Variants in ADARB2 observed in about 807,000 individuals in gnomAD.
The protein encoded by ADARB2 is adenosine deaminase RNA specific B2 (inactive), also known as inactive double-stranded RNA-specific editase B2.
Under a neutral mutation model 62.2 loss-of-function variants are expected in ADARB2, and 25 were observed. That is an observed-to-expected ratio of 0.40 (90% confidence interval 0.29 to 0.56). ADARB2 has a LOEUF of 0.56. ADARB2 is among the 20% of genes least tolerant of loss of function. The pLI, the probability that ADARB2 is intolerant of heterozygous loss-of-function variation, is 0.43. For missense variants in ADARB2, 1,071 were observed against 1,077.4 expected (o/e 0.99, Z 0.08); for synonymous variants, 572 against 500.8 (o/e 1.14, Z -1.90).
At chr10:1,288,549 A>T (rs2131809132) in intron 3 of ADARB2, among the ~76,000 whole-genome samples, 1 of 152,358 alleles carries the variant, frequency 6.6e-6, no homozygotes, top group East Asian at 1.9e-4. Context: ...TGGAAGTCAC[A>T]CTAGTTCCAT....
intron 1 of ADARB2, among the ~76,000 whole-genome samples, chr10:1,695,798 G>A (rs1479912622): frequency 6.6e-6 from 1 of 152,126 alleles, no homozygotes; most frequent in African/African-American, 2.4e-5. Context: ...GGGTGCATGT[G>A]TGTATATATG....
intron 1 of ADARB2, among the ~76,000 whole-genome samples, chr10:1,550,363 A>G (rs1301690430): frequency 6.6e-6 from 1 of 152,264 alleles, no homozygotes; most frequent in Non-Finnish European, 1.5e-5. Flanking sequence ...TGACACGGCG[A>G]ACAGCAGCTA....
intron 1 of ADARB2, among the ~76,000 whole-genome samples, chr10:1,698,951 G>A (rs1183419130): frequency 1.3e-5 from 2 of 152,144 alleles, no homozygotes; most frequent in Non-Finnish European, 2.9e-5. Context: ...AGTAGAGATT[G>A]GGTTTCGCCA....
intron 8 of ADARB2, among the ~76,000 whole-genome samples, chr10:1,192,835 T>TG (rs1231197494): frequency 6.6e-6 from 1 of 152,188 alleles, no homozygotes; most frequent in Non-Finnish European, 1.5e-5. Context: ...CCCAGCTACT[T>TG]GGGAGTCTGA....
intron 1 of ADARB2, among the ~76,000 whole-genome samples, chr10:1,444,404 CATCT>C (rs1317833106): frequency 2.0e-5 from 3 of 149,976 alleles, no homozygotes; most frequent in African/African-American, 7.4e-5. Flanking sequence ...TACATCCATC[CATCT>C]ATCCATCCTC....
intron 1 of ADARB2, among the ~76,000 whole-genome samples, chr10:1,434,086 G>A (rs1830806552): frequency 6.6e-6 from 1 of 152,050 alleles, no homozygotes; most frequent in Non-Finnish European, 1.5e-5. Flanking sequence ...TCAAGTATAC[G>A]TTAAAAAAGG....
intron 1 of ADARB2, among the ~76,000 whole-genome samples, chr10:1,685,142 G>T (rs1834583194): frequency 6.6e-6 from 1 of 152,218 alleles, no homozygotes; most frequent in Non-Finnish European, 1.5e-5. Context: ...CTTTCTATGA[G>T]CAGGGCATGT....
chr10:1,629,508 C>T (rs1833816080), intron 1 of ADARB2, among the ~76,000 whole-genome samples: 2 of 150,970 alleles, frequency 1.3e-5, no homozygotes, highest in Admixed American at 1.3e-4. Context: ...CCACTGCGCC[C>T]AACACCACCC....
chr10:1,672,566 C>A lies in ADARB2; in HGVS notation c.100+64485G>T, dbSNP rs891274759. Among the ~76,000 whole-genome samples the A allele has an allele frequency of 2.7e-5, 4 of 148,630 alleles. No individual in the cohort carries two copies. The East Asian group carries it at 6.0e-4, about 22-fold the overall frequency. ...AGGCCTCGCGCAGCTCCTGCCTCCCCCCATGCACGCGCTTCGCCTTCCTCC... is the reference window on the plus strand; with the variant it reads ...AGGCCTCGCGCAGCTCCTGCCTCCCACCATGCACGCGCTTCGCCTTCCTCC... On this transcript the variant is annotated intron_variant, in intron 1 of 9. Coordinates refer to ENST00000381312, the MANE Select transcript of ADARB2 (RefSeq NM_018702.4).
intron 1 of ADARB2, among the ~76,000 whole-genome samples, chr10:1,587,791 A>T (rs752260123): frequency 3.3e-5 from 5 of 152,158 alleles, no homozygotes; most frequent in Admixed American, 2.6e-4. Context: ...TAATTGAATC[A>T]TGGGGGCGGT....
In ADARB2 at chr10:1,340,737, A is replaced by G. The variant is rs111926085; in HGVS notation, c.1077+22291T>C. Among the ~76,000 whole-genome samples, 165 of 124,638 alleles carry G rather than the reference A, an allele frequency of 1.3e-3. 2 individuals carry two copies. The highest frequency in any genetic ancestry group is 4.5e-3 in the African/African-American group (110 of 24,716). The allele number at this position is 124,638 out of a possible 152,430, so 81.8% of individuals were successfully genotyped here. On this transcript the variant is annotated intron_variant, in intron 3 of 9. Transcript: ENST00000381312. ...CACGCGCCCCACAGCGGCAATAACC[A>G]GCATCCACCAGAGAACCACGTGCCC... is the stretch of plus-strand genomic sequence containing the variant.
chr10:1,230,729 C>G (rs946030451), intron 6 of ADARB2, among the ~76,000 whole-genome samples: 5 of 152,162 alleles, frequency 3.3e-5, no homozygotes, highest in Admixed American at 3.3e-4. Context: ...AGATGAGTCC[C>G]TGTTATAGGA....
At chr10:1,191,837 CAG>C (rs1422954791) in intron 8 of ADARB2, among the ~76,000 whole-genome samples, 1 of 152,176 alleles carries the variant, frequency 6.6e-6, no homozygotes, top group East Asian at 1.9e-4. Context: ...ATCGTGTTAA[CAG>C]TGGGCTCTGG....
intron 7 of ADARB2, among the ~76,000 whole-genome samples, chr10:1,209,150 C>T (rs961425323): frequency 6.6e-6 from 1 of 152,156 alleles, no homozygotes; most frequent in African/African-American, 2.4e-5. Flanking sequence ...ACGACTCGTT[C>T]AGTGATCCCC....
chr10:1,548,111 T>G (rs1832553802), intron 1 of ADARB2, among the ~76,000 whole-genome samples: 1 of 152,126 alleles, frequency 6.6e-6, no homozygotes, highest in African/African-American at 2.4e-5. Context: ...TGACCCTCAA[T>G]AAAAACCTTG....
intron 1 of ADARB2, among the ~76,000 whole-genome samples, chr10:1,540,948 G>T (rs1422995623): frequency 4.1e-4 from 23 of 55,894 alleles, no homozygotes; most frequent in African/African-American, 1.6e-3. Context: ...CCACTCAGAC[G>T]CAGTTCAGAC....
At chr10:1,384,290 C>T (rs2387659) in intron 1 of ADARB2, among the ~76,000 whole-genome samples, 65,624 of 152,084 alleles carry the variant, frequency 0.43, 14,689 homozygotes, top group Middle Eastern at 0.5. Context: ...GAGTGGGGCA[C>T]AGTGAGTTTT....
chr10:1,708,749 C>T (rs975704729), intron 1 of ADARB2, among the ~76,000 whole-genome samples: 10 of 152,264 alleles, frequency 6.6e-5, no homozygotes, highest in East Asian at 1.9e-4. Context: ...GAGGATTTGA[C>T]GAGGATGTAC....
At chr10:1,543,122 G>A (rs1832462817) in intron 1 of ADARB2, among the ~76,000 whole-genome samples, 2 of 152,260 alleles carry the variant, frequency 1.3e-5, no homozygotes, top group Non-Finnish European at 2.9e-5. Flanking sequence ...GCGGTGTGGG[G>A]TGGCTTCCCT....
Sources: allele counts gnomAD v4.1 joint callset (sites outside exome capture counted in the v4.1 genomes callset), GRCh38; gene constraint gnomAD v4.1.1; transcripts MANE v1.5; gene names NCBI Gene and HGNC (gene_info 2026-07-23, HGNC 2026-07-21).